Variants in LIMCH1 observed in about 807,000 individuals in gnomAD.
The protein encoded by LIMCH1 is LIM and calponin homology domains 1.
Under a neutral mutation model 176.5 loss-of-function variants are expected in LIMCH1, and 113 were observed. The ratio of observed to expected loss-of-function variants is 0.64; its 90% CI spans 0.55 to 0.75. The LOEUF (loss-of-function observed/expected upper bound fraction) is 0.75, where lower values mean the gene tolerates loss of function less well. Ranked by LOEUF, LIMCH1 falls within the 30% of genes least tolerant of loss-of-function variation. The pLI is 0.00. For missense variants in LIMCH1, 1,674 were observed against 1,814.9 expected, an observed-to-expected ratio of 0.92 and a Z score of 1.41; for synonymous variants, 619 against 645.9, an observed-to-expected ratio of 0.96 and a Z score of 0.63.
At chr4:41,564,449 A>C (rs2082448402) in intron 1 of LIMCH1, among the ~76,000 whole-genome samples, 1 of 152,198 alleles carries the variant, frequency 6.6e-6, no homozygotes, top group South Asian at 2.1e-4. Flanking sequence ...TATTGAGTAC[A>C]TAGTATGGTT....
intron 8 of LIMCH1, among the ~76,000 whole-genome samples, chr4:41,627,448 C>CT (rs1353125891): frequency 1.3e-5 from 2 of 152,110 alleles, no homozygotes; most frequent in South Asian, 2.1e-4. Context: ...GCACTTCTCT[C>CT]TTATTAGCTA....
intron 21 of LIMCH1, 34 bp downstream of exon 21, chr4:41,666,700 G>A (rs1032036995): frequency 1.5e-6 from 2 of 1,361,632 alleles, no homozygotes; most frequent in African/African-American, 2.9e-5. Context: ...AGGTCTGCAT[G>A]TTCTGGGCCC....
At chr4:41,692,438 A>C in intron 31 of LIMCH1, 54 bp downstream of exon 31, 1 of 1,090,622 alleles carries the variant, frequency 9.2e-7, no homozygotes, top group Non-Finnish European at 1.4e-6. Flanking sequence ...TATGTCTTCC[A>C]TAGGACCCAA....
intron 1 of LIMCH1, among the ~76,000 whole-genome samples, chr4:41,397,045 C>T (rs1403756870): frequency 6.6e-6 from 1 of 152,218 alleles, no homozygotes; most frequent in East Asian, 1.9e-4. Context: ...AGTCCCTCCT[C>T]CTAAGCCACT....
chr4:41,658,306 C>T (rs2094519299), intron 18 of LIMCH1, among the ~76,000 whole-genome samples: 1 of 152,188 alleles, frequency 6.6e-6, no homozygotes, highest in Non-Finnish European at 1.5e-5. Flanking sequence ...TCTGCTGTTG[C>T]TACTATCAAG....
chr4:41,432,759 C>A (rs1045015226), intron 1 of LIMCH1, among the ~76,000 whole-genome samples: 5 of 152,146 alleles, frequency 3.3e-5, no homozygotes, highest in Admixed American at 1.3e-4. Context: ...TGGCAACGAT[C>A]CTTCCTGTTT....
chr4:41,390,423 T>C (rs2057097802), intron 1 of LIMCH1, among the ~76,000 whole-genome samples: 2 of 152,194 alleles, frequency 1.3e-5, no homozygotes, highest in Admixed American at 6.5e-5. Flanking sequence ...ATACTTCTCA[T>C]GTAGTGCGTA....
At chr4:41,607,827 G>C (rs2090926700) in intron 4 of LIMCH1, among the ~76,000 whole-genome samples, 1 of 152,070 alleles carries the variant, frequency 6.6e-6, no homozygotes, top group African/African-American at 2.4e-5. Flanking sequence ...TAGTATCCCT[G>C]GATACATGAC....
intron 1 of LIMCH1, among the ~76,000 whole-genome samples, chr4:41,469,664 A>AGATTGATTGATTGATT (rs2066653621): frequency 2.4e-5 from 2 of 83,892 alleles, no homozygotes; most frequent in African/African-American, 1.9e-4. Context: ...GCTTGTTTTG[A>AGATTGATTGATTGATT]GATTTATTTA....
At chr4:41,561,568 A>G (rs1398423500) in intron 1 of LIMCH1, among the ~76,000 whole-genome samples, 1 of 152,194 alleles carries the variant, frequency 6.6e-6, no homozygotes, top group African/African-American at 2.4e-5. Flanking sequence ...ATGGTTTTCA[A>G]GGGGGAAGTT....
intron 1 of LIMCH1, among the ~76,000 whole-genome samples, chr4:41,549,113 C>T (rs955967225): frequency 6.6e-6 from 1 of 151,680 alleles, no homozygotes; most frequent in Non-Finnish European, 1.5e-5. Context: ...TGGTCTCAAA[C>T]TCCCAGACTC....
Position 41,626,732 on chromosome 4 carries a change from A to G in LIMCH1, c.750A>G (p.Lys250=). The G allele has an allele frequency of 1.3e-6, 2 of 1,536,252 alleles. No individual in the cohort carries two copies. Among genetic ancestry groups the G allele is most frequent in the East Asian group, 2.4e-5 (1 of 40,906 alleles). Residue 250 remains lysine, a synonymous_variant, in exon 8 of 32, where the codon AAA becomes AAG. Transcript: ENST00000503057. ...FASQKQLSEE[K]EAIRDIVLRK... ...GTCAAAAACAATTAAGTGAAGAGAA[A>G]GAAGCTATTCGTGATATTGTCCTTC... is the stretch of plus-strand genomic sequence containing the variant.
chr4:41,563,895 A>T (rs1584167999), intron 1 of LIMCH1, among the ~76,000 whole-genome samples: 2 of 152,180 alleles, frequency 1.3e-5, no homozygotes, highest in African/African-American at 2.4e-5. Flanking sequence ...ACCATCAGGG[A>T]TCTCCTGTCA....
Position 41,540,277 on chromosome 4 carries a change from G to C in LIMCH1, c.-241+1927G>C, listed in dbSNP as rs180703766. ...GATATGAAGAAGAAGAAAAACAGGA[G>C]TAGGAAAAGAAGGAGAAAGAGGAGG... is the stretch of plus-strand genomic sequence containing the variant. On this transcript the variant is annotated intron_variant, in intron 1 of 31. Coordinates refer to ENST00000503057, the MANE Select transcript of LIMCH1 (RefSeq NM_001330672.2). Among the ~76,000 whole-genome samples, 720 of 152,224 alleles carry C rather than the reference G, an allele frequency of 4.7e-3. 7 individuals are homozygous for C. Among genetic ancestry groups the C allele is most frequent in the African/African-American group, 0.017 (689 of 41,528 alleles).
At chr4:41,524,293 G>A in intron 2 of LIMCH1, 3 of 798,106 alleles carry the variant, frequency 3.8e-6, no homozygotes, top group Non-Finnish European at 4.5e-6. Flanking sequence ...TTTACTATAT[G>A]CTTTAAATTC....
chr4:41,628,782 T>C (rs532390731), intron 8 of LIMCH1, among the ~76,000 whole-genome samples: 18 of 152,196 alleles, frequency 1.2e-4, no homozygotes, highest in Admixed American at 4.6e-4. Context: ...ATGGAAAATA[T>C]CAGTTTTAGC....
At position 41,669,369 on chromosome 4, in the gene LIMCH1, G is replaced by A. The variant is rs185907092; in HGVS notation, c.3398-2185G>A. On this transcript the variant is annotated intron_variant, in intron 21 of 31. Transcript: ENST00000503057. ...GTAAAAGAATAAAGCAAGATGTCAG[G>A]CAGAAATAAACTACTCTCGAATCCT... Among the ~76,000 whole-genome samples the A allele has an allele frequency of 5.8e-3, 878 of 152,292 alleles. 9 individuals are homozygous for A. Among genetic ancestry groups the A allele is most frequent in the African/African-American group, 0.019 (787 of 41,566 alleles).
chr4:41,647,830 T>C (rs1370438876), intron 17 of LIMCH1, among the ~76,000 whole-genome samples: 1 of 152,206 alleles, frequency 6.6e-6, no homozygotes, highest in Non-Finnish European at 1.5e-5. Context: ...AAAATCTCTA[T>C]CTTAGGCTTT....
intron 1 of LIMCH1, among the ~76,000 whole-genome samples, chr4:41,556,374 A>G (rs1308226881): frequency 6.7e-6 from 1 of 149,600 alleles, no homozygotes; most frequent in Non-Finnish European, 1.5e-5. Flanking sequence ...CAGCCTGGGC[A>G]ACAAGGGCAA....
Sources: gnomAD v4.1 joint callset for allele counts (sites outside exome capture counted in the v4.1 genomes callset) on GRCh38, gnomAD v4.1.1 for gene constraint, MANE v1.5 for transcripts, NCBI Gene and HGNC (gene_info 2026-07-23, HGNC 2026-07-21) for gene names.